CYP3A4: variants seen among roughly 807,000 people sequenced by gnomAD.
CYP3A4 encodes cytochrome P450 family 3 subfamily A member 4.
In CYP3A4, 41 loss-of-function variants were observed where a neutral mutation model predicts 54.9. The ratio of observed to expected loss-of-function variants is 0.75; its 90% confidence interval spans 0.58 to 0.97. CYP3A4 has a LOEUF of 0.97. CYP3A4 is among the 50% of genes least tolerant of loss of function. The pLI, the probability that CYP3A4 is intolerant of heterozygous loss-of-function variation, is 0.00. For missense variants in CYP3A4, 510 were observed against 597.3 expected (o/e 0.85, Z 1.52); for synonymous variants, 179 against 205.2 (o/e 0.87, Z 1.09).
intron 10 of CYP3A4, among the ~76,000 whole-genome samples, chr7:99,763,213 T>C (rs999284827): frequency 1.3e-5 from 2 of 152,156 alleles, no homozygotes; most frequent in African/African-American, 4.8e-5. Context: ...CAGAGCTCAC[T>C]ATCCAACTAT....
chr7:99,764,459 C>T (rs1279934203), intron 9 of CYP3A4, among the ~76,000 whole-genome samples: 3 of 152,228 alleles, frequency 2.0e-5, no homozygotes, highest in African/African-American at 7.2e-5. Context: ...ATTTGCAACA[C>T]TAATGGTTAA....
intron 9 of CYP3A4, among the ~76,000 whole-genome samples, chr7:99,765,667 G>A (rs1291475607): frequency 6.6e-6 from 1 of 152,142 alleles, no homozygotes; most frequent in Admixed American, 6.5e-5. Context: ...CCAAGTCTTG[G>A]TGGCTTGTAA....
At position 99,779,974 on chromosome 7, in the gene CYP3A4, G is replaced by A; in HGVS notation, c.165+18C>T. Reference sequence around the variant, plus strand: ...TGGCAATCATAAGAAGCAAAAGAGTGAGCTCAAAAACACTCACCTTATGGT... The same window carrying A: ...TGGCAATCATAAGAAGCAAAAGAGTAAGCTCAAAAACACTCACCTTATGGT... On this transcript the variant is annotated intron_variant, in intron 2 of 12. Coordinates refer to ENST00000651514, the MANE Select transcript of CYP3A4 (RefSeq NM_017460.6). 1 of 1,602,104 alleles carries A rather than the reference G, an allele frequency of 6.2e-7. No homozygotes were observed. Among genetic ancestry groups the A allele is most frequent in the Non-Finnish European group, 8.6e-7 (1 of 1,169,518 alleles).
intron 12 of CYP3A4, among the ~76,000 whole-genome samples, chr7:99,759,074 A>G (rs1815252149): frequency 6.6e-6 from 1 of 152,160 alleles, no homozygotes; most frequent in African/African-American, 2.4e-5. Context: ...GTGCCAGAGG[A>G]CCACTTTTAT....
At chr7:99,760,686 G>A (rs1426855644) in intron 12 of CYP3A4, 133 bp downstream of exon 12, 7 of 1,195,882 alleles carry the variant, frequency 5.9e-6, no homozygotes, top group Middle Eastern at 2.1e-4. Context: ...GATCACAGAT[G>A]GGCCTAATTG....
intron 12 of CYP3A4, among the ~76,000 whole-genome samples, chr7:99,759,559 C>T (rs573644867): frequency 6.6e-6 from 1 of 152,110 alleles, no homozygotes; most frequent in Admixed American, 6.5e-5. Context: ...GCATTAGATA[C>T]AGTCCCTTGC....
chr7:99,763,395 CA>C (rs4646439), intron 10 of CYP3A4, among the ~76,000 whole-genome samples: 24 of 146,060 alleles, frequency 1.6e-4, no homozygotes, highest in African/African-American at 4.3e-4. Flanking sequence ...TGTTACCTTT[CA>C]AAAAAAAAAG....
chr7:99,779,965 CAA>C, intron 2 of CYP3A4, 25 bp downstream of exon 2: 1 of 1,595,304 alleles, frequency 6.3e-7, no homozygotes, highest in Non-Finnish European at 8.6e-7. Flanking sequence ...TCATAAGAAG[CAA>C]AAGAGTGAGC....
chr7:99,784,169 T>A lies in CYP3A4; in HGVS notation c.-88A>T. On this transcript the variant is annotated 5_prime_UTR_variant, in exon 1 of 13. Transcript: ENST00000651514. ...CTGGGCTATGTGCATGGAGCTTTCC[T>A]GCCCTGCACAGCAGTGATTCAGTGA... 2.4e-6 allele frequency: 3 copies of A among 1,241,724 alleles called. No individual in the cohort carries two copies. The highest frequency in any genetic ancestry group is 3.5e-6 in the Non-Finnish European group (3 of 847,220). 76.9% of individuals were successfully genotyped at this position (1,241,724 alleles called of 1,614,324 possible). A position where few individuals can be genotyped will look rare whatever the true frequency, so the allele number is the denominator to read the frequency against.
chr7:99,774,662 G>A (rs1815714494), intron 3 of CYP3A4, among the ~76,000 whole-genome samples: 2 of 151,906 alleles, frequency 1.3e-5, no homozygotes, highest in Admixed American at 6.6e-5. Flanking sequence ...TAAAAACTCT[G>A]AATAAACTAG....
At position 99,764,035 on chromosome 7, in the gene CYP3A4, A is replaced by C. The variant is rs773595509; in HGVS notation, c.866-20T>G. The C allele has an allele frequency of 6.2e-7, 1 of 1,613,762 alleles. No homozygotes were observed. Among genetic ancestry groups the C allele is most frequent in the Non-Finnish European group, 8.5e-7 (1 of 1,179,764 alleles). On this transcript the variant is annotated intron_variant, in intron 9 of 12. Coordinates refer to ENST00000651514, the MANE Select transcript of CYP3A4 (RefSeq NM_017460.6). ...ACAGAGCTGAAAGGAGAGGAAAGAC[A>C]TTTTAGGTAAATCAGATCAATGTAG...
chr7:99,758,056 TCA>T lies in CYP3A4; in HGVS notation c.*75_*76del. The stretch of plus-strand genomic sequence containing the variant: ...GCCCATCTTCATTTCAGAGTTCTAT[TCA>T]CAAAGTAATTTGAGGTCTCTGGTGT... On this transcript the variant is annotated 3_prime_UTR_variant, in exon 13 of 13. Transcript: ENST00000651514. 1 of 1,197,270 alleles carries T rather than the reference TCA, an allele frequency of 8.4e-7. No homozygotes were observed. Among genetic ancestry groups the T allele is most frequent in the Non-Finnish European group, 1.2e-6 (1 of 803,386 alleles). 74.2% of individuals were successfully genotyped at this position (1,197,270 alleles called of 1,614,324 possible).
At chr7:99,763,731 T>C in intron 10 of CYP3A4, 124 bp downstream of exon 10, 1 of 1,311,072 alleles carries the variant, frequency 7.6e-7, no homozygotes, top group Non-Finnish European at 1.0e-6. Flanking sequence ...AGAGCCTTCC[T>C]ACATAGAGTC....
Position 99,768,472 on chromosome 7 carries a change from G to C in CYP3A4, c.552C>G (p.Ile184Met). 1 of 1,613,978 alleles carries C rather than the reference G, an allele frequency of 6.2e-7. No individual in the cohort carries two copies. Among genetic ancestry groups the C allele is most frequent in the Non-Finnish European group, 8.5e-7 (1 of 1,179,932 alleles). ...TGTTCACTCCAAATGATGTGCTAGT[G>C]ATCACATCCATGCTGTAGGCCCCAA... ...DVFGAYSMDV[I>M]TSTSFGVNID... Residue 184 changes from isoleucine (I) to methionine (M), a missense_variant, in exon 7 of 13, where the codon ATC becomes ATG. Ile to Met is a conservative substitution (Grantham distance 10). This residue lies in a region of CYP3A4 where 272 missense variants were observed against 274.9 expected (regional missense o/e 0.99). Coordinates refer to ENST00000651514, the MANE Select transcript of CYP3A4 (RefSeq NM_017460.6).
Position 99,767,143 on chromosome 7 carries a change from T to A in CYP3A4, c.786A>T (p.Glu262Asp). ...SVKRMKESRL[E>D]DTQKHRVDFL... ...CACCACATTTTACCTTTTGTGTATC[T>A]TCGAGGCGACTTTCTTTCATCCTTT... The change falls in exon 8 of 13, where the codon GAA (glutamate) becomes GAT (aspartate). Residue 262 changes from glutamate to aspartate, a missense_variant. Glu to Asp is a conservative substitution (Grantham distance 45). This residue lies in a region of CYP3A4 where 238 missense variants were observed against 322.5 expected (regional missense o/e 0.74). Coordinates refer to ENST00000651514, the MANE Select transcript of CYP3A4 (RefSeq NM_017460.6). The A allele has an allele frequency of 6.2e-7, 1 of 1,609,796 alleles. No individual in the cohort carries two copies. Among genetic ancestry groups the A allele is most frequent in the South Asian group, 1.1e-5 (1 of 89,730 alleles).
intron 9 of CYP3A4, 58 bp downstream of exon 9, chr7:99,766,319 A>T: frequency 6.3e-7 from 1 of 1,582,176 alleles, no homozygotes; most frequent in Non-Finnish European, 8.7e-7. Context: ...GCACATTTTC[A>T]GAACAAGGCC....
intron 3 of CYP3A4, among the ~76,000 whole-genome samples, chr7:99,774,685 C>T (rs533818700): frequency 4.6e-5 from 7 of 152,220 alleles, no homozygotes; most frequent in African/African-American, 9.6e-5. Flanking sequence ...ATCAATGGAA[C>T]GTATCTCAAA....
intron 12 of CYP3A4, among the ~76,000 whole-genome samples, chr7:99,759,142 C>T (rs988230452): frequency 3.3e-5 from 5 of 152,046 alleles, no homozygotes; most frequent in African/African-American, 1.2e-4. Flanking sequence ...TGGCCTAAAG[C>T]CACAAATAAT....
intron 3 of CYP3A4, among the ~76,000 whole-genome samples, chr7:99,775,554 T>C (rs893829570): frequency 2.0e-5 from 3 of 152,194 alleles, no homozygotes; most frequent in African/African-American, 7.2e-5. Context: ...TACTACCATC[T>C]GATGTTTGAC....
Sources: allele counts gnomAD v4.1 joint callset (sites outside exome capture counted in the v4.1 genomes callset), GRCh38; gene constraint gnomAD v4.1.1; regional missense constraint gnomAD v4.1.1; transcripts MANE v1.5; gene names NCBI Gene and HGNC (gene_info 2026-07-23, HGNC 2026-07-21).